NELL1: variants seen among roughly 807,000 people sequenced by gnomAD.
NELL1 encodes neural EGFL like 1.
Under a neutral mutation model 107.4 loss-of-function variants are expected in NELL1, and 76 were observed. The ratio of observed to expected loss-of-function variants is 0.71; its 90% confidence interval spans 0.59 to 0.86. NELL1 has a LOEUF of 0.86. NELL1 is among the 40% of genes least tolerant of loss of function. The pLI is 0.00. For synonymous variants in NELL1, 353 were observed against 341.2 expected (o/e 1.03, Z -0.38); for missense variants, 1,024 against 1,005.5 (o/e 1.02, Z -0.25).
At chr11:20,701,117 C>A (rs964271049) in intron 2 of NELL1, among the ~76,000 whole-genome samples, 4 of 152,104 alleles carry the variant, frequency 2.6e-5, no homozygotes, top group Non-Finnish European at 5.9e-5. Flanking sequence ...TAGTTTACAG[C>A]CCCACCAACA....
rs566885238 is a variant in NELL1 at position 20,863,487 on chromosome 11, C to T, written c.506+15734C>T. Among the ~76,000 whole-genome samples, 617 of 139,854 alleles carry T rather than the reference C, an allele frequency of 4.4e-3. 4 individuals carry two copies. Among genetic ancestry groups the T allele is most frequent in the African/African-American group, 0.015 (590 of 38,190 alleles). The allele number at this position is 139,854 out of a possible 152,430, so 91.7% of individuals were successfully genotyped here. A position where few individuals can be genotyped will look rare whatever the true frequency, so the allele number is the denominator to read the frequency against. ...CTCAGACGGGGCGGCCGGGCAGAGA[C>T]GCTCCTCACCTCCCAGACGGGGTCG... On this transcript the variant is annotated intron_variant, in intron 4 of 19. Transcript: ENST00000357134.
At chr11:21,354,389 A>G (rs572200640) in intron 14 of NELL1, among the ~76,000 whole-genome samples, 2 of 152,102 alleles carry the variant, frequency 1.3e-5, no homozygotes, top group South Asian at 4.2e-4. Context: ...CGCTTCACTT[A>G]GTTAAAACTT....
At chr11:20,898,492 G>A (rs2134127938) in intron 5 of NELL1, among the ~76,000 whole-genome samples, 2 of 151,434 alleles carry the variant, frequency 1.3e-5, no homozygotes, top group East Asian at 2.0e-4. Flanking sequence ...ACTGGGTACA[G>A]CACACCAACA....
chr11:21,030,622 A>ATTTT (rs201033870), intron 12 of NELL1, among the ~76,000 whole-genome samples: 19 of 120,108 alleles, frequency 1.6e-4, no homozygotes, highest in Non-Finnish European at 2.9e-4. Flanking sequence ...ATTTTCTTGT[A>ATTTT]TTTTTTTTTT....
intron 13 of NELL1, among the ~76,000 whole-genome samples, chr11:21,148,826 G>A: frequency 6.6e-6 from 1 of 152,294 alleles, no homozygotes; most frequent in South Asian, 2.1e-4. Flanking sequence ...AAATTTGTAT[G>A]CATGATAGGC....
At chr11:21,459,118 A>G (rs1853828707) in intron 15 of NELL1, among the ~76,000 whole-genome samples, 1 of 152,048 alleles carries the variant, frequency 6.6e-6, no homozygotes. Context: ...GGAGTGGAGC[A>G]ACATTGGGAA....
At chr11:21,193,092 C>T (rs893682649) in intron 13 of NELL1, among the ~76,000 whole-genome samples, 5 of 151,682 alleles carry the variant, frequency 3.3e-5, no homozygotes, top group Admixed American at 1.3e-4. Context: ...TTCTTTTAAA[C>T]GTGAGGTATT....
chr11:20,934,194 C>A (rs2134180739), intron 9 of NELL1, among the ~76,000 whole-genome samples: 1 of 152,234 alleles, frequency 6.6e-6, no homozygotes, highest in South Asian at 2.1e-4. Flanking sequence ...GGAAGGAGGG[C>A]TGTTGTCAGA....
chr11:20,826,920 G>T (rs181775599), intron 3 of NELL1, among the ~76,000 whole-genome samples: 4 of 151,216 alleles, frequency 2.6e-5, no homozygotes, highest in Admixed American at 2.0e-4. Context: ...GTATACTTTT[G>T]TGTGTTAATT....
chr11:21,252,586 A>T (rs1452162921), intron 14 of NELL1, among the ~76,000 whole-genome samples: 2 of 152,172 alleles, frequency 1.3e-5, no homozygotes, highest in African/African-American at 4.8e-5. Flanking sequence ...ATATTTTGAT[A>T]TCCCTTGCTA....
intron 12 of NELL1, among the ~76,000 whole-genome samples, chr11:21,071,561 T>A (rs139619039): frequency 6.6e-6 from 1 of 152,190 alleles, no homozygotes; most frequent in Non-Finnish European, 1.5e-5. Context: ...CCTCCTAAAC[T>A]TCAATGCCCT....
chr11:20,899,407 A>T (rs1849823184), intron 5 of NELL1, among the ~76,000 whole-genome samples: 2 of 152,324 alleles, frequency 1.3e-5, no homozygotes, highest in Non-Finnish European at 2.9e-5. Context: ...TCTGGGGGAA[A>T]ATAATAGTAT....
intron 12 of NELL1, among the ~76,000 whole-genome samples, chr11:21,066,942 A>C (rs1382894750): frequency 6.6e-6 from 1 of 151,644 alleles, no homozygotes; most frequent in Non-Finnish European, 1.5e-5. Flanking sequence ...CGACAGAGCG[A>C]GACTCCATTG....
chr11:21,292,185 T>A (rs1313963951), intron 14 of NELL1, among the ~76,000 whole-genome samples: 1 of 152,192 alleles, frequency 6.6e-6, no homozygotes, highest in African/African-American at 2.4e-5. Flanking sequence ...CCCTATCCTG[T>A]CAGCCCAAAA....
At chr11:20,786,848 A>T (rs569812616) in intron 3 of NELL1, among the ~76,000 whole-genome samples, 183 of 151,864 alleles carry the variant, frequency 1.2e-3, no homozygotes, top group Non-Finnish European at 2.1e-3. Flanking sequence ...CTCTACTAAA[A>T]ATACAAAAAA....
At position 21,553,388 on chromosome 11, in the gene NELL1, T is replaced by C. The variant is rs544802231; in HGVS notation, c.1787-6801T>C. On this transcript the variant is annotated intron_variant, in intron 16 of 19. Coordinates refer to ENST00000357134, the MANE Select transcript of NELL1 (RefSeq NM_006157.5). Reference sequence around the variant, plus strand: ...AGGGAGAGCAGAAATGTTTCAATAATTATGGAATGTCCAAGAGAACTGTTT... The same window carrying C: ...AGGGAGAGCAGAAATGTTTCAATAACTATGGAATGTCCAAGAGAACTGTTT... Among the ~76,000 whole-genome samples the C allele has an allele frequency of 3.2e-4, 48 of 151,946 alleles. No individual in the cohort carries two copies. The South Asian group carries it at 7.2e-3, about 23-fold the overall frequency.
At chr11:21,102,461 C>G (rs951030071) in intron 12 of NELL1, among the ~76,000 whole-genome samples, 5 of 152,104 alleles carry the variant, frequency 3.3e-5, no homozygotes, top group Admixed American at 6.6e-5. Context: ...TGGCTCTGCC[C>G]CTTACCTGCT....
chr11:21,342,201 C>T (rs1850581689), intron 14 of NELL1, among the ~76,000 whole-genome samples: 1 of 152,108 alleles, frequency 6.6e-6, no homozygotes, highest in African/African-American at 2.4e-5. Flanking sequence ...TTCAAACATT[C>T]CTGTAAGGAA....
At chr11:21,361,529 A>C (rs559448647) in intron 14 of NELL1, among the ~76,000 whole-genome samples, 1 of 152,184 alleles carries the variant, frequency 6.6e-6, no homozygotes, top group South Asian at 2.1e-4. Flanking sequence ...GGATGTCTAG[A>C]TCTCTAGTAA....
Sources: allele counts gnomAD v4.1 joint callset (sites outside exome capture counted in the v4.1 genomes callset), GRCh38; gene constraint gnomAD v4.1.1; transcripts MANE v1.5; gene names NCBI Gene and HGNC (gene_info 2026-07-23, HGNC 2026-07-21).